KCNG2: variants seen among roughly 807,000 people sequenced by gnomAD.
The protein encoded by KCNG2 is potassium voltage-gated channel modifier subfamily G member 2, also known as voltage-gated potassium channel regulatory subunit KCNG2.
In KCNG2, 7 loss-of-function variants were observed where a neutral mutation model predicts 12.3. The ratio of observed to expected loss-of-function variants is 0.57; its 90% CI spans 0.32 to 1.07. The LOEUF (loss-of-function observed/expected upper bound fraction) is 1.07. Ranked by LOEUF, KCNG2 falls within the 50% of genes least tolerant of loss-of-function variation. The probability of loss-of-function intolerance (pLI) is 0.04; values close to 1 mark genes in which losing one functional copy is unlikely to be tolerated. For missense variants in KCNG2, 703 were observed against 726.0 expected, an observed-to-expected ratio of 0.97 and a Z score of 0.36; for synonymous variants, 414 against 351.4, an observed-to-expected ratio of 1.18 and a Z score of -1.99.
At position 79,884,820 on chromosome 18, in the gene KCNG2, C is replaced by T. The variant is rs1053522195; in HGVS notation, c.625-14220C>T. Among the ~76,000 whole-genome samples the T allele has an allele frequency of 3.9e-5, 6 of 152,296 alleles. No individual in the cohort carries two copies. The South Asian group carries it at 8.3e-4, about 21-fold the overall frequency. On this transcript the variant is annotated intron_variant, in intron 3 of 3. Transcript: ENST00000316249. This position sits in a 1 kb window ranked among gnomAD's most constrained non-coding sequence, Gnocchi z 5.5. ...AGCGGTTTACCCACAGGTTCCTGTG[C>T]GTGGGAGCAAACTTGCTTTTCCCAT...
chr18:79,822,653 ACTC>A lies in KCNG2; in HGVS notation c.-115+24642_-115+24644del, dbSNP rs1490297397. Among the ~76,000 whole-genome samples, 1 of 151,264 alleles carries A rather than the reference ACTC, an allele frequency of 6.6e-6. No individual in the cohort carries two copies. Among genetic ancestry groups the A allele is most frequent in the Non-Finnish European group, 1.5e-5 (1 of 67,812 alleles). On this transcript the variant is annotated intron_variant, in intron 1 of 3. Coordinates refer to ENST00000316249, the MANE Select transcript of KCNG2 (RefSeq NM_012283.2). The surrounding 1 kb of genome is among the most constrained non-coding windows in gnomAD (Gnocchi z 4.4). Reference sequence around the variant, plus strand: ...GCTGTGTTGCCCCGGCAGGTCTTGAACTCCTGACCTCAAGGGATCCACCCACCC... The same window carrying A: ...GCTGTGTTGCCCCGGCAGGTCTTGAACTGACCTCAAGGGATCCACCCACCC...
chr18:79,819,179 C>T (rs114471441), intron 1 of KCNG2, among the ~76,000 whole-genome samples: 6 of 152,310 alleles, frequency 3.9e-5, no homozygotes, highest in East Asian at 1.9e-4. Context: ...TCACCAAGGC[C>T]GGCGAGGGCA....
chr18:79,866,511 G>A (rs1472702386), intron 3 of KCNG2, among the ~76,000 whole-genome samples: 4 of 139,888 alleles, frequency 2.9e-5, no homozygotes, highest in Non-Finnish European at 6.2e-5. Context: ...TGGGTGCTGA[G>A]GTCTGGGTGC....
At chr18:79,879,358 G>A (rs566152049) in intron 3 of KCNG2, among the ~76,000 whole-genome samples, 1 of 152,298 alleles carries the variant, frequency 6.6e-6, no homozygotes, top group East Asian at 1.9e-4. Flanking sequence ...GAGGAAGTGA[G>A]GCACATTGGG....
At chr18:79,815,591 G>A (rs886871652) in intron 1 of KCNG2, among the ~76,000 whole-genome samples, 11 of 152,168 alleles carry the variant, frequency 7.2e-5, no homozygotes, top group African/African-American at 2.2e-4. Context: ...CAGCAAAGAC[G>A]TGACCTCGCT....
chr18:79,824,516 G>A (rs1320412818), intron 1 of KCNG2, among the ~76,000 whole-genome samples: 1 of 152,148 alleles, frequency 6.6e-6, no homozygotes, highest in African/African-American at 2.4e-5. Flanking sequence ...TTGCTGTCTA[G>A]TTTTATTCAT....
chr18:79,827,181 C>T (rs532553579), intron 1 of KCNG2, among the ~76,000 whole-genome samples: 18 of 152,310 alleles, frequency 1.2e-4, no homozygotes, highest in African/African-American at 4.3e-4. Context: ...TGCGCCCCCA[C>T]ATGGTCATGG....
intron 1 of KCNG2, among the ~76,000 whole-genome samples, chr18:79,837,907 A>G (rs1978350752): frequency 6.6e-6 from 1 of 152,220 alleles, no homozygotes; most frequent in South Asian, 2.1e-4. Context: ...ACGCCTATAC[A>G]GAACTACCTG....
chr18:79,872,279 A>AG (rs1979866273), intron 3 of KCNG2, among the ~76,000 whole-genome samples: 4 of 48,130 alleles, frequency 8.3e-5, no homozygotes, highest in Non-Finnish European at 1.7e-4. Context: ...TCAAAGCTTC[A>AG]GTTTTTTTTT....
At position 79,800,648 on chromosome 18, in the gene KCNG2, G is replaced by A. The variant is rs543979867; in HGVS notation, c.-115+2634G>A. On this transcript the variant is annotated intron_variant, in intron 1 of 3. Coordinates refer to ENST00000316249, the MANE Select transcript of KCNG2 (RefSeq NM_012283.2). The surrounding 1 kb of genome is among the most constrained non-coding windows in gnomAD (Gnocchi z 4.0). ...AAACAGCACTGGCTCCTTCACAGCC[G>A]CGGCTTTCCGGCAGGAGCCTCAGCA... Among the ~76,000 whole-genome samples, 135 of 152,312 alleles carry A rather than the reference G, an allele frequency of 8.9e-4. 1 individual carries two copies. Among genetic ancestry groups the A allele is most frequent in the African/African-American group, 2.9e-3 (119 of 41,568 alleles).
intron 3 of KCNG2, among the ~76,000 whole-genome samples, chr18:79,875,056 C>G (rs940715599): frequency 1.1e-4 from 16 of 152,342 alleles, no homozygotes; most frequent in African/African-American, 2.9e-4. Context: ...ATCTCCCAGC[C>G]TCCATCTCAC....
At chr18:79,878,716 C>T (rs1980176832) in intron 3 of KCNG2, among the ~76,000 whole-genome samples, 1 of 152,236 alleles carries the variant, frequency 6.6e-6, no homozygotes, top group African/African-American at 2.4e-5. Flanking sequence ...CCTCCTCTGA[C>T]TTCTTGAACC....
In KCNG2 at chr18:79,812,815, C is replaced by T. The variant is rs180781376; in HGVS notation, c.-115+14801C>T. Among the ~76,000 whole-genome samples the T allele has an allele frequency of 3.5e-3, 531 of 152,140 alleles. 1 individual carries two copies. The highest frequency in any genetic ancestry group is 4.8e-3 in the Non-Finnish European group (325 of 68,018). ...GGCAGAGGTTGCACTGAGCCGAGAT[C>T]GCACCACTGTAGTCCAGTCTGGGTG... On this transcript the variant is annotated intron_variant, in intron 1 of 3. Coordinates refer to ENST00000316249, the MANE Select transcript of KCNG2 (RefSeq NM_012283.2).
chr18:79,899,159 C>G lies in KCNG2; in HGVS notation c.744C>G (p.Arg248=). The change falls in exon 4 of 4, where the codon CGC becomes CGG. Residue 248 remains arginine (R), a synonymous_variant. Coordinates refer to ENST00000316249, the MANE Select transcript of KCNG2 (RefSeq NM_012283.2). ...LQAESKCAFL[R]APLNIIDILA... is the part of the protein sequence containing the mutation. ...CCGAGAGCAAGTGCGCCTTCCTGCG[C>G]GCGCCACTCAACATCATTGACATCC... The G allele has an allele frequency of 1.9e-6, 3 of 1,606,924 alleles. No homozygotes were observed. The highest frequency in any genetic ancestry group is 2.5e-6 in the Non-Finnish European group (3 of 1,179,670).
At position 79,899,361 on chromosome 18, in the gene KCNG2, C is replaced by A; in HGVS notation, c.946C>A (p.Arg316Ser). The A allele has an allele frequency of 6.4e-7, 1 of 1,552,342 alleles. No individual in the cohort carries two copies. Among genetic ancestry groups the A allele is most frequent in the Non-Finnish European group, 8.7e-7 (1 of 1,155,678 alleles). ...GCTGCGTTCGCTGGGCCTGACCATG[C>A]GCCGCTGCGCGCGCGAGTTCGGGCT... is the stretch of plus-strand genomic sequence containing the variant. Reference protein sequence around the residue: ...LGLRSLGLTMRRCAREFGLLL... With the variant: ...LGLRSLGLTMSRCAREFGLLL... Residue 316 changes from arginine (R) to serine (S), a missense_variant, in exon 4 of 4, where the codon CGC (arginine) becomes AGC (serine). Arg to Ser is a moderately radical substitution (Grantham distance 110). Coordinates refer to ENST00000316249, the MANE Select transcript of KCNG2 (RefSeq NM_012283.2).
chr18:79,841,941 A>G (rs1342160248), intron 1 of KCNG2, among the ~76,000 whole-genome samples: 1 of 152,178 alleles, frequency 6.6e-6, no homozygotes, highest in Non-Finnish European at 1.5e-5. Context: ...TACTCTCCAC[A>G]TGGAAGGAGA....
rs958185494 is a variant in KCNG2, at chr18:79,884,686, C to T, written c.625-14354C>T. Among the ~76,000 whole-genome samples the T allele has an allele frequency of 1.3e-5, 2 of 152,208 alleles. No homozygotes were observed. The highest frequency in any genetic ancestry group is 2.9e-5 in the Non-Finnish European group (2 of 68,032). ...TTGTGGTTTCCAAAGAGACCGGACA[C>T]GCCCAAGGCCCACAGACACGTGGCT... On this transcript the variant is annotated intron_variant, in intron 3 of 3. Coordinates refer to ENST00000316249, the MANE Select transcript of KCNG2 (RefSeq NM_012283.2). The surrounding 1 kb of genome is among the most constrained non-coding windows in gnomAD (Gnocchi z 5.5).
rs186431886 is a variant in KCNG2 at position 79,893,696 on chromosome 18, G to T, written c.625-5344G>T. On this transcript the variant is annotated intron_variant, in intron 3 of 3. Transcript: ENST00000316249. ...ATAGCTGGGTCTTGTGTCTGCTTTT[G>T]ATTGGGTTGTTCACTCCATTCACAT... 1.7e-3 allele frequency among the ~76,000 whole-genome samples: 253 copies of T among 151,852 alleles called. 1 individual carries two copies. The highest frequency in any genetic ancestry group is 5.8e-3 in the African/African-American group (239 of 41,366).
intron 1 of KCNG2, among the ~76,000 whole-genome samples, chr18:79,821,852 G>A (rs532526348): frequency 3.6e-4 from 55 of 152,330 alleles, no homozygotes; most frequent in African/African-American, 1.3e-3. Flanking sequence ...TTTGAGATTG[G>A]AAGTGTGAGG....
Sources: allele counts gnomAD v4.1 joint callset (sites outside exome capture counted in the v4.1 genomes callset), GRCh38; gene constraint gnomAD v4.1.1; non-coding constraint Gnocchi (gnomAD v3.1); transcripts MANE v1.5; gene names NCBI Gene and HGNC (gene_info 2026-07-23, HGNC 2026-07-21).